Variants in ARID3A observed in about 807,000 individuals in gnomAD.
ARID3A encodes AT-rich interaction domain 3A, also known as AT-rich interactive domain-containing protein 3A.
A neutral mutation model predicts 52.7 loss-of-function variants in ARID3A; 11 were observed. That is an observed-to-expected ratio of 0.21 (90% CI 0.13 to 0.35). The LOEUF (loss-of-function observed/expected upper bound fraction) is 0.35, where lower values mean the gene tolerates loss of function less well. Among genes scored for constraint, ARID3A ranks in the 10% least tolerant of loss-of-function variants. The probability of loss-of-function intolerance (pLI) is 1.00; values close to 1 mark genes in which losing one functional copy is unlikely to be tolerated. For synonymous variants in ARID3A, 404 were observed against 359.4 expected (o/e 1.12, Z -1.40); for missense variants, 721 against 838.5 (o/e 0.86, Z 1.73).
chr19:936,081 C>T (rs990970420), intron 3 of ARID3A, among the ~76,000 whole-genome samples: 1 of 152,370 alleles, frequency 6.6e-6, no homozygotes, highest in Non-Finnish European at 1.5e-5. Context: ...TGAGCCACCG[C>T]GCCCGGCCCG....
In ARID3A at chr19:942,009, G is replaced by A. The variant is rs191229574; in HGVS notation, c.693+9267G>A. Among the ~76,000 whole-genome samples, 339 of 152,278 alleles carry A rather than the reference G, an allele frequency of 2.2e-3. 1 individual carries two copies. Among genetic ancestry groups the A allele is most frequent in the African/African-American group, 7.4e-3 (308 of 41,548 alleles). Reference sequence around the variant, plus strand: ...GGGGCCTATTAACCATTAGACCCCCGGGGCTGCTAGAGAGTGGCGCTGTCT... The same window carrying A: ...GGGGCCTATTAACCATTAGACCCCCAGGGCTGCTAGAGAGTGGCGCTGTCT... On this transcript the variant is annotated intron_variant, in intron 3 of 8. Coordinates refer to ENST00000263620, the MANE Select transcript of ARID3A (RefSeq NM_005224.3). The surrounding 1 kb of genome is among the most constrained non-coding windows in gnomAD (Gnocchi z 8.1).
chr19:951,394 T>TAA (rs1210502176), intron 3 of ARID3A, among the ~76,000 whole-genome samples: 2 of 151,704 alleles, frequency 1.3e-5, no homozygotes, highest in Non-Finnish European at 1.5e-5. Flanking sequence ...CCATCTCTAC[T>TAA]AAAAATACAA....
intron 3 of ARID3A, among the ~76,000 whole-genome samples, chr19:940,028 A>G (rs940754021): frequency 6.6e-6 from 1 of 152,104 alleles, no homozygotes; most frequent in South Asian, 2.1e-4. Flanking sequence ...GCTTCCCCAC[A>G]TCCCTCGAGG....
intron 1 of ARID3A, 114 bp downstream of exon 1, chr19:926,173 G>C (rs1472254515): frequency 1.3e-5 from 2 of 150,166 alleles, no homozygotes; most frequent in African/African-American, 4.9e-5. Context: ...CGGGGCGCGC[G>C]CCCCACTACG....
At chr19:948,858 C>T (rs1250610866) in intron 3 of ARID3A, among the ~76,000 whole-genome samples, 10 of 151,914 alleles carry the variant, frequency 6.6e-5, no homozygotes, top group South Asian at 2.1e-4. Context: ...TACAGGCGTG[C>T]GCCACCACGC....
rs180721737 is a variant in ARID3A, at chr19:943,128, G to C, written c.693+10386G>C. 1.5e-3 allele frequency among the ~76,000 whole-genome samples: 227 copies of C among 152,144 alleles called. 3 individuals are homozygous for C. In the East Asian group the frequency reaches 0.031, roughly 20 times the overall value. ...CTACACAAATTAGCTGGGTGTGGTG[G>C]TGCGTGCCTGTGGTCCCAGCTACTC... On this transcript the variant is annotated intron_variant, in intron 3 of 8. Transcript: ENST00000263620.
At chr19:940,738 G>T (rs1036409894) in intron 3 of ARID3A, among the ~76,000 whole-genome samples, 1 of 152,154 alleles carries the variant, frequency 6.6e-6, no homozygotes, top group Non-Finnish European at 1.5e-5. Context: ...CCAGGCCCTC[G>T]GCCGCCAGCC....
intron 2 of ARID3A, among the ~76,000 whole-genome samples, chr19:931,792 G>A (rs987607662): frequency 3.9e-4 from 57 of 147,482 alleles, no homozygotes; most frequent in Admixed American, 3.6e-3. Flanking sequence ...CAGCCTGGAC[G>A]ACAGAGCGAG....
Position 964,887 on chromosome 19 carries a change from C to T in ARID3A, c.1005C>T (p.Pro335=). The T allele has an allele frequency of 6.2e-7, 1 of 1,613,988 alleles. No individual in the cohort carries two copies. Among genetic ancestry groups the T allele is most frequent in the South Asian group, 1.1e-5 (1 of 91,088 alleles). Residue 335 remains proline, a synonymous_variant, in exon 6 of 9, where the codon CCC becomes CCT. Coordinates refer to ENST00000263620, the MANE Select transcript of ARID3A (RefSeq NM_005224.3). This position sits in a 1 kb window ranked among gnomAD's most constrained non-coding sequence, Gnocchi z 5.7. The part of the protein sequence containing the change: ...YECEKRGLSN[P]NELQAAIDSN... ...GTGAGAAGCGGGGCCTCAGTAACCC[C>T]AATGAGCTCCAGGCAGCCATAGACA...
At chr19:926,232 C>A (rs1330272010) in intron 1 of ARID3A, among the ~76,000 whole-genome samples, 173 bp downstream of exon 1, 1 of 150,670 alleles carries the variant, frequency 6.6e-6, no homozygotes, top group Non-Finnish European at 1.5e-5. Flanking sequence ...GTTCCCAGCG[C>A]GGGTTCCGGT....
chr19:965,143 T>C, intron 6 of ARID3A, 63 bp downstream of exon 6: 2 of 1,507,234 alleles, frequency 1.3e-6, no homozygotes, highest in Non-Finnish European at 1.8e-6. Flanking sequence ...CTGTCTGACC[T>C]TGGGGGATAC....
At chr19:965,253 T>G in intron 6 of ARID3A, 173 bp downstream of exon 6, 1 of 722,810 alleles carries the variant, frequency 1.4e-6, no homozygotes, top group Non-Finnish European at 2.2e-6. Context: ...ACATTACCAA[T>G]CCATCACCAT....
chr19:951,471 C>T (rs1226490249), intron 3 of ARID3A, among the ~76,000 whole-genome samples: 2 of 151,978 alleles, frequency 1.3e-5, no homozygotes, highest in East Asian at 3.9e-4. Context: ...GTGGGAGGAT[C>T]ACTTGAGCCC....
Position 974,484 on chromosome 19 carries a change from C to G in ARID3A, c.*2419C>G, listed in dbSNP as rs1353029918. On this transcript the variant is annotated 3_prime_UTR_variant, in exon 9 of 9. Transcript: ENST00000263620. ...CTCTCCCGGGACCCCCGTCCCACGC[C>G]TGGGCCCCGCGCCGGGGGAAGCGCC... 1.7e-5 allele frequency: 4 copies of G among 230,912 alleles called. No homozygotes were observed. The highest frequency in any genetic ancestry group is 8.9e-5 in the African/African-American group (4 of 45,162). The allele number at this position is 230,912 out of a possible 1,614,324, so 14.3% of individuals were successfully genotyped here.
rs1426270920 is a variant in ARID3A, at chr19:944,467, C to T, written c.693+11725C>T. Reference sequence around the variant, plus strand: ...TGCCACGGCCTCAGCCCCGTTGCTTCGGTCGATGCCCCCAAACCTTGACCC... The same window carrying T: ...TGCCACGGCCTCAGCCCCGTTGCTTTGGTCGATGCCCCCAAACCTTGACCC... On this transcript the variant is annotated intron_variant, in intron 3 of 8. Transcript: ENST00000263620. The surrounding 1 kb of genome is among the most constrained non-coding windows in gnomAD (Gnocchi z 5.9). Among the ~76,000 whole-genome samples, 7 of 152,092 alleles carry T rather than the reference C, an allele frequency of 4.6e-5. No homozygotes were observed. Among genetic ancestry groups the T allele is most frequent in the South Asian group, 2.1e-4 (1 of 4,820 alleles).
chr19:966,510 C>T, intron 6 of ARID3A, 62 bp from the exon 7 acceptor site: 4 of 1,378,640 alleles, frequency 2.9e-6, no homozygotes, highest in Non-Finnish European at 3.9e-6. Context: ...CATGTTCCTG[C>T]CTTGAGTGGA....
Position 931,392 on chromosome 19 carries a change from C to T in ARID3A, c.369-1026C>T, listed in dbSNP as rs932415162. Among the ~76,000 whole-genome samples the T allele has an allele frequency of 4.5e-5, 6 of 132,146 alleles. No homozygotes were observed. In the East Asian group the frequency reaches 7.3e-4, roughly 16 times the overall value. 86.7% of individuals were successfully genotyped at this position (132,146 alleles called of 152,430 possible). On this transcript the variant is annotated intron_variant, in intron 2 of 8. Coordinates refer to ENST00000263620, the MANE Select transcript of ARID3A (RefSeq NM_005224.3). ...GCTTGAACCTGGGAGGCAGAGGTTG[C>T]AGTGAGCCGAGATCGTGCCTTTGCA...
chr19:962,838 A>G (rs1180575778), intron 4 of ARID3A, among the ~76,000 whole-genome samples: 1 of 152,068 alleles, frequency 6.6e-6, no homozygotes, highest in Non-Finnish European at 1.5e-5. Flanking sequence ...TTTACTTTGC[A>G]AACTCTGAGG....
chr19:960,592 G>T lies in ARID3A; in HGVS notation c.766+428G>T, dbSNP rs1388541973. ...GCGGCAGGACAGAAGCCCCCCGCCC[G>T]GCCGCGAGATGGCTTAGAGTCTAAT... On this transcript the variant is annotated intron_variant, in intron 4 of 8. Transcript: ENST00000263620. This position sits in a 1 kb window ranked among gnomAD's most constrained non-coding sequence, Gnocchi z 4.3. Among the ~76,000 whole-genome samples the T allele has an allele frequency of 6.6e-6, 1 of 152,004 alleles. No individual in the cohort carries two copies. Among genetic ancestry groups the T allele is most frequent in the Admixed American group, 6.6e-5 (1 of 15,258 alleles).
Sources: gnomAD v4.1 joint callset for allele counts (sites outside exome capture counted in the v4.1 genomes callset) on GRCh38, gnomAD v4.1.1 for gene constraint, Gnocchi (gnomAD v3.1) non-coding constraint, MANE v1.5 for transcripts, NCBI Gene and HGNC (gene_info 2026-07-23, HGNC 2026-07-21) for gene names.